ZNF75D: variants seen among roughly 807,000 people sequenced by gnomAD.
The protein encoded by ZNF75D is zinc finger protein 75.
In ZNF75D, 33 loss-of-function variants were observed where a neutral mutation model predicts 33.3. That is an observed-to-expected ratio of 0.99 (90% confidence interval 0.75 to 1.32). ZNF75D has a LOEUF of 1.32. Ranked by LOEUF, ZNF75D falls within the 40% of genes most tolerant of loss-of-function variation. ZNF75D has a pLI of 0.00. For missense variants in ZNF75D, 338 were observed against 367.5 expected (o/e 0.92, Z 0.66); for synonymous variants, 113 against 130.6 (o/e 0.87, Z 0.92).
At chrX:135,335,257 T>A (rs2084696241) in intron 1 of ZNF75D, among the ~76,000 whole-genome samples, 1 of 111,016 alleles carries the variant, frequency 9.0e-6, no homozygotes, top group Admixed American at 9.5e-5. Flanking sequence ...CCTTGTTATA[T>A]CTGAGAAGGT....
At chrX:135,249,034 C>T (rs1338117263) in exon 4 of ZNF75D, 28 of 324,079 alleles carry the variant, frequency 8.6e-5, no homozygotes, top group Non-Finnish European at 1.4e-4. Context: ...GATTGTGTGG[C>T]GTGTCGGCAA....
At chrX:135,310,148 G>A (rs1218847565) in intron 1 of ZNF75D, among the ~76,000 whole-genome samples, 1 of 112,128 alleles carries the variant, frequency 8.9e-6, no homozygotes, top group South Asian at 3.7e-4. Context: ...CATTGCAGAT[G>A]TCATGTCCAC....
At chrX:135,303,064 T>C (rs2084239614) in intron 1 of ZNF75D, among the ~76,000 whole-genome samples, 1 of 111,006 alleles carries the variant, frequency 9.0e-6, no homozygotes, top group African/African-American at 3.3e-5. Context: ...TGTATACACA[T>C]AAACATCTCA....
intron 1 of ZNF75D, among the ~76,000 whole-genome samples, chrX:135,340,504 G>C (rs1229535067): frequency 3.6e-5 from 4 of 112,204 alleles, no homozygotes; most frequent in Non-Finnish European, 7.5e-5. Flanking sequence ...TTTAATCTTT[G>C]AGGAAGGGTC....
rs781793022 is a variant in ZNF75D, at chrX:135,325,494, T to C, written c.-391+16274A>G. Among the ~76,000 whole-genome samples the C allele has an allele frequency of 4.2e-3, 467 of 111,244 alleles. 1 individual carries two copies. The highest frequency in any genetic ancestry group is 5.2e-3 in the Non-Finnish European group (275 of 52,624). Reference sequence around the variant, plus strand: ...CAGGAACCAGGGCTGCGAGCGGGCTTGCAGGCCAGCTGAGCTCCGGGTGGG... The same window carrying C: ...CAGGAACCAGGGCTGCGAGCGGGCTCGCAGGCCAGCTGAGCTCCGGGTGGG... On this transcript the variant is annotated intron_variant, in intron 1 of 6. Coordinates refer to ENST00000370766, the MANE Select transcript of ZNF75D (RefSeq NM_007131.5).
At chrX:135,337,532 C>T (rs1484794719) in intron 1 of ZNF75D, among the ~76,000 whole-genome samples, 5 of 111,866 alleles carry the variant, frequency 4.5e-5, no homozygotes, top group Non-Finnish European at 9.4e-5. Flanking sequence ...CAGTTCTCTA[C>T]ATACCTACCC....
intron 6 of ZNF75D, among the ~76,000 whole-genome samples, chrX:135,288,795 C>A (rs1475945009): frequency 6.0e-4 from 67 of 112,314 alleles, no homozygotes; most frequent in Non-Finnish European, 2.1e-4. Context: ...AAAAATGTAT[C>A]AAATATAAGA....
chrX:135,326,928 G>A (rs1027416067), intron 1 of ZNF75D, among the ~76,000 whole-genome samples: 3 of 112,737 alleles, frequency 2.7e-5, no homozygotes, highest in African/African-American at 9.7e-5. Flanking sequence ...GCGAGAGTCC[G>A]CGGCTTCATT....
At chrX:135,277,529 T>C (rs1556417794) in intron 1 of ZNF75D, among the ~76,000 whole-genome samples, 1 of 112,710 alleles carries the variant, frequency 8.9e-6, no homozygotes, top group East Asian at 2.8e-4. Context: ...TTGTTGCCAT[T>C]GCTTTTGGCA....
intron 1 of ZNF75D, among the ~76,000 whole-genome samples, chrX:135,341,199 T>C (rs1434274835): frequency 1.8e-5 from 2 of 111,473 alleles, no homozygotes; most frequent in African/African-American, 6.5e-5. Context: ...TTTGAGTCAA[T>C]TTACAGACCC....
chrX:135,316,233 C>T (rs1247455864), intron 1 of ZNF75D, among the ~76,000 whole-genome samples: 3 of 111,969 alleles, frequency 2.7e-5, no homozygotes, highest in Non-Finnish European at 3.8e-5. Flanking sequence ...TTTTGCTCAT[C>T]TGGGAAAGAC....
chrX:135,303,708 G>A (rs782419372), intron 1 of ZNF75D, among the ~76,000 whole-genome samples: 14 of 112,755 alleles, frequency 1.2e-4, no homozygotes, highest in Middle Eastern at 4.6e-3. Flanking sequence ...CACAAGGGAT[G>A]GGCTAGCCAG....
At chrX:135,291,293 T>A in intron 5 of ZNF75D, 158 bp from the exon 6 acceptor site, 2 of 801,280 alleles carry the variant, frequency 2.5e-6, no homozygotes, top group Non-Finnish European at 3.6e-6. Context: ...GCAAAGAGGA[T>A]CAGTAAATCA....
At chrX:135,272,739 A>G (rs1234029850) in intron 1 of ZNF75D, among the ~76,000 whole-genome samples, 2 of 111,663 alleles carry the variant, frequency 1.8e-5, no homozygotes. Flanking sequence ...CTGACTTCCT[A>G]GAACTACATC....
intron 1 of ZNF75D, among the ~76,000 whole-genome samples, chrX:135,334,962 C>T (rs968522652): frequency 9.0e-6 from 1 of 111,119 alleles, no homozygotes; most frequent in African/African-American, 3.3e-5. Context: ...TTTACCTTCC[C>T]TGTATGCTGC....
intron 1 of ZNF75D, among the ~76,000 whole-genome samples, chrX:135,270,705 A>G (rs1489033734): frequency 9.1e-6 from 1 of 110,182 alleles, no homozygotes; most frequent in Non-Finnish European, 1.9e-5. Context: ...TCTTCCCCAC[A>G]TTAGGAAGCA....
At chrX:135,283,245 C>T (rs1556418849), downstream of ZNF75D, among the ~76,000 whole-genome samples, 2 of 111,930 alleles carry the variant, frequency 1.8e-5, no homozygotes, top group Non-Finnish European at 3.8e-5. Flanking sequence ...GAGAGTTTCC[C>T]TGGCTTCCTG....
chrX:135,339,887 G>A (rs1556444095), intron 1 of ZNF75D, among the ~76,000 whole-genome samples: 1 of 111,893 alleles, frequency 8.9e-6, no homozygotes, highest in African/African-American at 3.3e-5. Context: ...CTAAGAAATT[G>A]TGCTCTGAAC....
At chrX:135,335,168 T>G (rs1389585536) in intron 1 of ZNF75D, among the ~76,000 whole-genome samples, 1 of 111,590 alleles carries the variant, frequency 9.0e-6, no homozygotes, top group African/African-American at 3.3e-5. Flanking sequence ...GAGGGCAGAA[T>G]GGCTGGGGCA....
Sources: allele counts gnomAD v4.1 joint callset (sites outside exome capture counted in the v4.1 genomes callset), GRCh38; gene constraint gnomAD v4.1.1; transcripts MANE v1.5; gene names NCBI Gene and HGNC (gene_info 2026-07-23, HGNC 2026-07-21).